The following RB1CC1 variants were observed in gnomAD, a reference collection of about 807,000 sequenced individuals.
RB1CC1 encodes the protein RB1 inducible coiled-coil 1, also known as RB1-inducible coiled-coil protein 1.
A neutral mutation model predicts 177.5 loss-of-function variants in RB1CC1; 46 were observed. That is an observed-to-expected ratio of 0.26 (90% CI 0.20 to 0.33). The LOEUF (loss-of-function observed/expected upper bound fraction) is 0.33. RB1CC1 is among the 10% of genes least tolerant of loss of function. RB1CC1 has a pLI of 1.00. For synonymous variants in RB1CC1, 666 were observed against 613.6 expected, an observed-to-expected ratio of 1.09 and a Z score of -1.26; for missense variants, 1,703 against 1,816.3, an observed-to-expected ratio of 0.94 and a Z score of 1.13.
chr8:52,648,044 T>G (rs1850211027), intron 15 of RB1CC1, among the ~76,000 whole-genome samples: 1 of 152,106 alleles, frequency 6.6e-6, no homozygotes, highest in South Asian at 2.1e-4. Context: ...GTACTCCATT[T>G]CAGGGTCAGT....
chr8:52,673,062 C>T (rs1852753614), intron 7 of RB1CC1, among the ~76,000 whole-genome samples: 1 of 152,136 alleles, frequency 6.6e-6, no homozygotes, highest in African/African-American at 2.4e-5. Flanking sequence ...TGTATGTATT[C>T]TTTTTTAGGC....
At chr8:52,650,646 G>GAA (rs140898863) in intron 15 of RB1CC1, among the ~76,000 whole-genome samples, 26 of 151,014 alleles carry the variant, frequency 1.7e-4, no homozygotes, top group East Asian at 7.8e-4. Flanking sequence ...GACTCTAGAG[G>GAA]AAAAAAAAAT....
chr8:52,640,158 A>G (rs896430334), intron 18 of RB1CC1, among the ~76,000 whole-genome samples: 1 of 152,182 alleles, frequency 6.6e-6, no homozygotes, highest in Non-Finnish European at 1.5e-5. Flanking sequence ...TATTTATAAA[A>G]AAACCTACAT....
In RB1CC1 at chr8:52,657,900, C is replaced by T. The variant is rs1271133493; in HGVS notation, c.1929G>A (p.Val643=). Residue 643 remains valine, a synonymous_variant, in exon 15 of 24, where the codon GTG becomes GTA. Transcript: ENST00000025008. ...AAGCAGACTGTGGGGATGTCTGACT[C>T]ACAGATGCCTGGAAAACAGAAAGAA... ...TDLLSEQKAS[V]SQTSPQSASS... 2 of 1,612,970 alleles carry T rather than the reference C, an allele frequency of 1.2e-6. No homozygotes were observed. The highest frequency in any genetic ancestry group is 1.7e-6 in the Non-Finnish European group (2 of 1,179,472).
Position 52,658,995 on chromosome 8 carries a change from T to C in RB1CC1, c.1690-19A>G. 2 of 1,433,414 alleles carry C rather than the reference T, an allele frequency of 1.4e-6. No homozygotes were observed. Among genetic ancestry groups the C allele is most frequent in the Non-Finnish European group, 1.9e-6 (2 of 1,075,966 alleles). The allele number at this position is 1,433,414 out of a possible 1,614,324, so 88.8% of individuals were successfully genotyped here. A position where few individuals can be genotyped will look rare whatever the true frequency, so the allele number is the denominator to read the frequency against. On this transcript the variant is annotated intron_variant, in intron 12 of 23. Transcript: ENST00000025008. ...TTTGAGTCTGTACCAAAAAAATTAA[T>C]TACTTAAAAAATTTTTTTTCAACCA...
At chr8:52,648,800 T>C (rs1278460325) in intron 15 of RB1CC1, among the ~76,000 whole-genome samples, 1 of 152,200 alleles carries the variant, frequency 6.6e-6, no homozygotes, top group Non-Finnish European at 1.5e-5. Flanking sequence ...CATTTGATTT[T>C]TTTTCTTACT....
At chr8:52,681,891 C>T (rs547689718) in intron 5 of RB1CC1, among the ~76,000 whole-genome samples, 32 of 152,328 alleles carry the variant, frequency 2.1e-4, no homozygotes, top group African/African-American at 7.7e-4. Flanking sequence ...GGGCAGGGCC[C>T]TCATGGAGAA....
rs766215093 is a variant in RB1CC1 at position 52,658,932 on chromosome 8, T to C, written c.1734A>G (p.Ser578=). Reference sequence around the variant, plus strand: ...ATTGCAGAAACTGTAAATCTTTTAATGAAATATCTGGAAGTTCACAGTCAA... The same window carrying C: ...ATTGCAGAAACTGTAAATCTTTTAACGAAATATCTGGAAGTTCACAGTCAA... The part of the protein sequence containing the change: ...RKFDCELPDI[S]LKDLQFLQSF... Residue 578 remains serine (S), a synonymous_variant, in exon 13 of 24, where the codon TCA becomes TCG. Coordinates refer to ENST00000025008, the MANE Select transcript of RB1CC1 (RefSeq NM_014781.5). The C allele has an allele frequency of 1.3e-6, 2 of 1,587,694 alleles. No homozygotes were observed. Among genetic ancestry groups the C allele is most frequent in the South Asian group, 1.2e-5 (1 of 85,610 alleles).
At chr8:52,671,817 G>A (rs1021727156) in intron 7 of RB1CC1, among the ~76,000 whole-genome samples, 8 of 151,878 alleles carry the variant, frequency 5.3e-5, no homozygotes, top group African/African-American at 1.9e-4. Flanking sequence ...CTAGCACCTA[G>A]GTATTAAGCC....
At chr8:52,701,479 T>C (rs1856048524) in intron 1 of RB1CC1, among the ~76,000 whole-genome samples, 1 of 152,152 alleles carries the variant, frequency 6.6e-6, no homozygotes, top group South Asian at 2.1e-4. Flanking sequence ...TGATTACTGC[T>C]TTGCCTGAAC....
intron 1 of RB1CC1, among the ~76,000 whole-genome samples, chr8:52,708,156 C>G (rs989718070): frequency 3.3e-5 from 5 of 152,212 alleles, no homozygotes; most frequent in African/African-American, 1.2e-4. Context: ...CCTATACCCT[C>G]ACTTTACATA....
chr8:52,666,554 C>G (rs4463443), intron 8 of RB1CC1, among the ~76,000 whole-genome samples: 67,401 of 151,066 alleles, frequency 0.45, 16,438 homozygotes, highest in East Asian at 0.83. Flanking sequence ...AGAAACACCA[C>G]CAAATATAAA....
intron 19 of RB1CC1, 36 bp downstream of exon 19, chr8:52,635,979 A>G: frequency 2.5e-6 from 4 of 1,600,660 alleles, no homozygotes; most frequent in Non-Finnish European, 3.4e-6. Flanking sequence ...AAGTGAACAT[A>G]TTAAACATGG....
intron 1 of RB1CC1, among the ~76,000 whole-genome samples, chr8:52,699,842 T>A (rs1283362133): frequency 4.2e-5 from 5 of 120,382 alleles, no homozygotes; most frequent in East Asian, 2.7e-4. Context: ...TATATATATA[T>A]ATATATATAT....
Position 52,657,831 on chromosome 8 carries a change from G to C in RB1CC1, c.1998C>G (p.Thr666=). 1 of 1,613,944 alleles carries C rather than the reference G, an allele frequency of 6.2e-7. No homozygotes were observed. Among genetic ancestry groups the C allele is most frequent in the Non-Finnish European group, 8.5e-7 (1 of 1,179,984 alleles). ...TCAGTGGTGGAGGAGTTCTCGGTGA[G>C]GTAGTAGTTGTAATTCCTGCTGTAC... The part of the protein sequence containing the change: ...MESTAGITTT[T]SPRTPPPLTV... Residue 666 remains threonine, a synonymous_variant, in exon 15 of 24, where the codon ACC becomes ACG. Coordinates refer to ENST00000025008, the MANE Select transcript of RB1CC1 (RefSeq NM_014781.5).
chr8:52,674,105 T>G lies in RB1CC1; in HGVS notation c.742A>C (p.Arg248=). The change falls in exon 7 of 24, where the codon AGA becomes CGA. Residue 248 remains arginine (R), a synonymous_variant. Coordinates refer to ENST00000025008, the MANE Select transcript of RB1CC1 (RefSeq NM_014781.5). ...TELVLSPDMP[R]TTNESLLTSF... The stretch of plus-strand genomic sequence containing the variant: ...GTTAACAAAGATTCGTTAGTTGTTC[T>G]AGGCATATCAGGAGAGAGCACCAGT... 1 of 1,614,176 alleles carries G rather than the reference T, an allele frequency of 6.2e-7. No homozygotes were observed. The highest frequency in any genetic ancestry group is 8.5e-7 in the Non-Finnish European group (1 of 1,180,014).
chr8:52,668,342 G>A, intron 7 of RB1CC1, 151 bp from the exon 8 acceptor site: 1 of 809,848 alleles, frequency 1.2e-6, no homozygotes. Flanking sequence ...ACTTTCATAA[G>A]AAGGTCAAGT....
At chr8:52,654,739 T>C (rs898381959) in intron 15 of RB1CC1, among the ~76,000 whole-genome samples, 9 of 152,136 alleles carry the variant, frequency 5.9e-5, no homozygotes, top group Non-Finnish European at 1.3e-4. Flanking sequence ...TTAGAGAGTA[T>C]CTCTCCATCA....
Position 52,657,258 on chromosome 8 carries a change from T to C in RB1CC1, c.2571A>G (p.Ile857Met). The change falls in exon 15 of 24, where the codon ATA becomes ATG. Residue 857 changes from isoleucine (I) to methionine (M), a missense_variant. Physicochemically the swap from Ile to Met is conservative, Grantham distance 10. Coordinates refer to ENST00000025008, the MANE Select transcript of RB1CC1 (RefSeq NM_014781.5). Reference sequence around the variant, plus strand: ...CTTTTTGATGTTTTTCTTTTAGTGTTATTTCCAGAGAACATTTTACTTTTT... The same window carrying C: ...CTTTTTGATGTTTTTCTTTTAGTGTCATTTCCAGAGAACATTTTACTTTTT... The part of the protein sequence containing the change: ...IIEKVKCSLE[I>M]TLKEKHQKEL... 1.9e-6 allele frequency: 3 copies of C among 1,599,398 alleles called. No homozygotes were observed. Among genetic ancestry groups the C allele is most frequent in the Non-Finnish European group, 2.6e-6 (3 of 1,168,144 alleles).
Sources: allele counts gnomAD v4.1 joint callset (sites outside exome capture counted in the v4.1 genomes callset), GRCh38; gene constraint gnomAD v4.1.1; transcripts MANE v1.5; gene names NCBI Gene and HGNC (gene_info 2026-07-23, HGNC 2026-07-21).